The following SLC8A1 variants were observed in gnomAD, a reference collection of about 807,000 sequenced individuals.
SLC8A1 encodes the protein sodium/calcium exchanger 1.
In SLC8A1, 18 loss-of-function variants were observed where a neutral mutation model predicts 68.3. That is an observed-to-expected ratio of 0.26 (90% CI 0.18 to 0.39). The LOEUF is 0.39. SLC8A1 is among the 10% of genes least tolerant of loss of function. The probability of loss-of-function intolerance (pLI) is 1.00; values close to 1 mark genes in which losing one functional copy is unlikely to be tolerated. For missense variants in SLC8A1, 985 were observed against 1,156.7 expected (o/e 0.85, Z 2.15); for synonymous variants, 475 against 415.5 (o/e 1.14, Z -1.74).
At chr2:40,448,401 A>G (rs548325432) in intron 1 of SLC8A1, among the ~76,000 whole-genome samples, 27 of 152,340 alleles carry the variant, frequency 1.8e-4, no homozygotes, top group African/African-American at 6.5e-4. Context: ...TCAAAGGCAG[A>G]CGCTGAAAGC....
intron 2 of SLC8A1, among the ~76,000 whole-genome samples, chr2:40,329,060 TCACACACACACACACACACACACACACA>T (rs70957170): frequency 7.1e-6 from 1 of 141,144 alleles, no homozygotes; most frequent in Admixed American, 7.1e-5. Context: ...CACTACAACC[TCACACACACACACACACACACACACACA>T]CACACACACA....
At chr2:40,287,743 G>T (rs1317321612) in intron 2 of SLC8A1, among the ~76,000 whole-genome samples, 2 of 151,838 alleles carry the variant, frequency 1.3e-5, no homozygotes, top group African/African-American at 4.8e-5. Context: ...AAACTGGCAT[G>T]GGGCTCTGCA....
Position 40,415,920 on chromosome 2 carries a change from G to A in SLC8A1, c.1808+12553C>T, listed in dbSNP as rs563057683. 8.2e-5 allele frequency among the ~76,000 whole-genome samples: 12 copies of A among 146,556 alleles called. No homozygotes were observed. The East Asian group carries it at 2.0e-3, about 24-fold the overall frequency. ...CACACACACACACACACATTAGCTG[G>A]GCGTGGTGGCAGGTGTCTATAATCC... On this transcript the variant is annotated intron_variant, in intron 2 of 7. Coordinates refer to ENST00000406785, the Ensembl canonical transcript of SLC8A1.
At chr2:40,337,036 TGCACTTCTAGAA>T (rs769033236) in intron 2 of SLC8A1, among the ~76,000 whole-genome samples, 25 of 152,318 alleles carry the variant, frequency 1.6e-4, no homozygotes, top group Non-Finnish European at 2.8e-4. Flanking sequence ...CTCTTTGTAA[TGCACTTCTAGAA>T]GCCAACCAAT....
intron 3 of SLC8A1, among the ~76,000 whole-genome samples, chr2:40,176,206 G>A (rs78934202): frequency 1.6e-3 from 243 of 152,170 alleles, no homozygotes; most frequent in Non-Finnish European, 2.9e-3. Context: ...AATGATGGTG[G>A]CATTAGAGGA....
intron 2 of SLC8A1, among the ~76,000 whole-genome samples, chr2:40,416,663 G>C (rs1269699559): frequency 6.6e-6 from 1 of 152,092 alleles, no homozygotes; most frequent in Non-Finnish European, 1.5e-5. Context: ...ACCCAAAGCT[G>C]CTGGTCTGGT....
At chr2:40,404,225 T>C (rs1689639486) in intron 2 of SLC8A1, among the ~76,000 whole-genome samples, 2 of 152,176 alleles carry the variant, frequency 1.3e-5, no homozygotes, top group Admixed American at 6.5e-5. Flanking sequence ...TTTACACTTG[T>C]CCAACTTTAA....
rs187847664 is a variant in SLC8A1 at position 40,393,065 on chromosome 2, T to C, written c.1808+35408A>G. Among the ~76,000 whole-genome samples the C allele has an allele frequency of 4.5e-4, 68 of 152,202 alleles. No homozygotes were observed. In the Middle Eastern group the frequency reaches 0.01, roughly 23 times the overall value. ...ATTTTATCAGTGTTTCATCTTTAGC[T>C]GAACTATATGAACTCATTCAGATTT... On this transcript the variant is annotated intron_variant, in intron 2 of 7. Coordinates refer to ENST00000406785, the Ensembl canonical transcript of SLC8A1.
intron 2 of SLC8A1, among the ~76,000 whole-genome samples, chr2:40,247,050 A>C (rs1458411082): frequency 1.3e-5 from 2 of 152,200 alleles, no homozygotes; most frequent in Admixed American, 1.3e-4. Flanking sequence ...GTGTGAAATC[A>C]TGCTGGGGTG....
chr2:40,253,164 T>G, intron 2 of SLC8A1, among the ~76,000 whole-genome samples: 1 of 133,952 alleles, frequency 7.5e-6, no homozygotes, highest in African/African-American at 2.9e-5. Context: ...CATATATATG[T>G]ATATACACAC....
intron 6 of SLC8A1, among the ~76,000 whole-genome samples, chr2:40,155,656 A>C (rs1407859511): frequency 2.0e-5 from 3 of 152,206 alleles, no homozygotes; most frequent in Non-Finnish European, 2.9e-5. Context: ...AGTCAAGTGA[A>C]TTATTGTCCA....
exon 8 of SLC8A1, chr2:40,114,489 G>A (rs1331883924): frequency 4.6e-5 from 7 of 152,840 alleles, no homozygotes; most frequent in African/African-American, 9.6e-5. Flanking sequence ...ACAGTCCAGA[G>A]CTAAAGAGAT....
chr2:40,223,675 G>C (rs1456955741), intron 2 of SLC8A1: 1 of 151,788 alleles, frequency 6.6e-6, no homozygotes, highest in African/African-American at 2.4e-5. Flanking sequence ...TTGCAACTAG[G>C]CTCTCATGCT....
At chr2:40,452,528 A>T (rs1263404714), upstream of SLC8A1, among the ~76,000 whole-genome samples, 2 of 152,124 alleles carry the variant, frequency 1.3e-5, no homozygotes, top group Non-Finnish European at 2.9e-5. Context: ...TCTTCCGCAG[A>T]CAGAACCCTG....
intron 2 of SLC8A1, among the ~76,000 whole-genome samples, chr2:40,341,578 T>C (rs1667709076): frequency 6.6e-6 from 1 of 152,236 alleles, no homozygotes; most frequent in Non-Finnish European, 1.5e-5. Flanking sequence ...AAAAAAGTTT[T>C]ATTGTTTTCA....
intron 1 of SLC8A1, among the ~76,000 whole-genome samples, chr2:40,460,503 A>G (rs1173297120): frequency 6.6e-6 from 1 of 152,168 alleles, no homozygotes; most frequent in Non-Finnish European, 1.5e-5. Context: ...TGTGGTGATT[A>G]AAAAAATGAA....
At chr2:40,177,995 G>A (rs2048776280) in intron 2 of SLC8A1, 2 of 636,724 alleles carry the variant, frequency 3.1e-6, no homozygotes, top group African/African-American at 1.8e-5. Flanking sequence ...ATGTAAAAGG[G>A]CATCTTGGGT....
intron 2 of SLC8A1, among the ~76,000 whole-genome samples, chr2:40,199,676 A>C (rs2053758517): frequency 6.6e-6 from 1 of 151,842 alleles, no homozygotes; most frequent in Non-Finnish European, 1.5e-5. Flanking sequence ...TATGTCCTCA[A>C]AATTCCTCTC....
intron 2 of SLC8A1, among the ~76,000 whole-genome samples, chr2:40,291,484 G>A (rs1289567530): frequency 2.0e-5 from 3 of 152,092 alleles, no homozygotes; most frequent in South Asian, 4.2e-4. Flanking sequence ...AGCCCAGGGC[G>A]CCAACAGCAT....
Sources: gnomAD v4.1 joint callset for allele counts (sites outside exome capture counted in the v4.1 genomes callset) on GRCh38, gnomAD v4.1.1 for gene constraint, MANE v1.5 for transcripts, NCBI Gene and HGNC (gene_info 2026-07-23, HGNC 2026-07-21) for gene names.